The following MACROD2 variants were observed in gnomAD, a reference collection of about 807,000 sequenced individuals.
MACROD2 encodes the protein ADP-ribose glycohydrolase MACROD2.
Under a neutral mutation model 70.4 loss-of-function variants are expected in MACROD2, and 36 were observed. The ratio of observed to expected loss-of-function variants is 0.51; its 90% confidence interval spans 0.39 to 0.68. The LOEUF (loss-of-function observed/expected upper bound fraction) is 0.68, where lower values mean the gene tolerates loss of function less well. MACROD2 is among the 30% of genes least tolerant of loss of function. The pLI, the probability that MACROD2 is intolerant of heterozygous loss-of-function variation, is 0.00. For missense variants in MACROD2, 496 were observed against 538.4 expected, an observed-to-expected ratio of 0.92 and a Z score of 0.78; for synonymous variants, 172 against 178.8, an observed-to-expected ratio of 0.96 and a Z score of 0.30.
intron 3 of MACROD2, among the ~76,000 whole-genome samples, chr20:14,429,017 G>A (rs1049814871): frequency 7.9e-5 from 12 of 151,976 alleles, no homozygotes; most frequent in African/African-American, 2.7e-4. Flanking sequence ...TACAGTGAGG[G>A]GTTACCTTTT....
chr20:14,756,733 A>G (rs913647703), intron 5 of MACROD2, among the ~76,000 whole-genome samples: 20 of 152,144 alleles, frequency 1.3e-4, no homozygotes, highest in Admixed American at 1.3e-3. Context: ...TGACAATGTT[A>G]TACTCTTTTA....
chr20:15,317,833 A>T (rs2077830382), intron 6 of MACROD2, among the ~76,000 whole-genome samples: 1 of 152,012 alleles, frequency 6.6e-6, no homozygotes, highest in Admixed American at 6.6e-5. Flanking sequence ...GGGAGGAAGG[A>T]CAGTCTGCAT....
rs66890047 is a variant in MACROD2, at chr20:14,101,993, CTTTTTTTTTTTT to C, written c.271+16282_271+16293del. On this transcript the variant is annotated intron_variant, in intron 3 of 17. Transcript: ENST00000684519. Reference sequence around the variant, plus strand: ...ATAATTTGGATGTCTTTTAATGAGTCTTTTTTTTTTTTTTTTTTTTTTTTTTTTAAGACGGAG... The same window carrying C: ...ATAATTTGGATGTCTTTTAATGAGTCTTTTTTTTTTTTTTTTAAGACGGAG... Among the ~76,000 whole-genome samples the C allele has an allele frequency of 1.1e-3, 27 of 25,060 alleles. No homozygotes were observed. In the Admixed American group the frequency reaches 0.014, roughly 13 times the overall value. 16.4% of individuals were successfully genotyped at this position (25,060 alleles called of 152,430 possible).
intron 3 of MACROD2, among the ~76,000 whole-genome samples, chr20:14,437,669 T>A (rs777691832): frequency 3.3e-5 from 5 of 152,212 alleles, no homozygotes; most frequent in Non-Finnish European, 7.4e-5. Flanking sequence ...TAATTCTGTC[T>A]TCACTTTATC....
At chr20:15,362,482 TGA>T (rs1210084548) in intron 6 of MACROD2, among the ~76,000 whole-genome samples, 1 of 152,188 alleles carries the variant, frequency 6.6e-6, no homozygotes, top group Non-Finnish European at 1.5e-5. Context: ...TTCAGTTTTT[TGA>T]GTTTTTAAAA....
intron 5 of MACROD2, among the ~76,000 whole-genome samples, chr20:14,702,666 TATATATATACAC>T (rs2071219025): frequency 3.8e-5 from 3 of 79,908 alleles, no homozygotes; most frequent in Admixed American, 1.6e-4. Flanking sequence ...TATATGTGTA[TATATATATACAC>T]ATATATGTGT....
intron 5 of MACROD2, among the ~76,000 whole-genome samples, chr20:14,777,633 G>A (rs1323088184): frequency 6.6e-6 from 1 of 152,072 alleles, no homozygotes; most frequent in Non-Finnish European, 1.5e-5. Flanking sequence ...ATGGGCTAGA[G>A]TGGCGCCAGA....
chr20:14,712,931 G>A (rs542378254), intron 5 of MACROD2, among the ~76,000 whole-genome samples: 1 of 152,060 alleles, frequency 6.6e-6, no homozygotes, highest in Non-Finnish European at 1.5e-5. Context: ...TCAATAGTGG[G>A]TATATATTTT....
chr20:15,251,394 T>C (rs751862451), intron 6 of MACROD2, among the ~76,000 whole-genome samples: 28 of 152,310 alleles, frequency 1.8e-4, no homozygotes, highest in Non-Finnish European at 7.4e-5. Context: ...GAGTGTATTG[T>C]TTTACAACAT....
At chr20:14,191,526 G>A (rs1249372246) in intron 3 of MACROD2, among the ~76,000 whole-genome samples, 1 of 152,106 alleles carries the variant, frequency 6.6e-6, no homozygotes, top group Non-Finnish European at 1.5e-5. Context: ...CTATACCCTC[G>A]TGGAGATAGG....
At chr20:16,041,337 G>A in intron 16 of MACROD2, 59 bp downstream of exon 16, 1 of 1,370,808 alleles carries the variant, frequency 7.3e-7, no homozygotes, top group Non-Finnish European at 1.0e-6. Flanking sequence ...TTTTCTATGT[G>A]TAATCTAGGA....
At chr20:14,129,169 C>T (rs956639633) in intron 3 of MACROD2, among the ~76,000 whole-genome samples, 5 of 152,074 alleles carry the variant, frequency 3.3e-5, no homozygotes, top group Non-Finnish European at 5.9e-5. Flanking sequence ...AAAAAGTAAC[C>T]ATTCTAGATG....
At chr20:14,661,534 C>T (rs1042422833) in intron 4 of MACROD2, among the ~76,000 whole-genome samples, 7 of 152,022 alleles carry the variant, frequency 4.6e-5, no homozygotes, top group Non-Finnish European at 8.8e-5. Context: ...TTCTTTTGCT[C>T]TGCAGAAGCT....
intron 3 of MACROD2, among the ~76,000 whole-genome samples, chr20:14,155,868 G>T (rs1447715872): frequency 1.3e-5 from 2 of 151,816 alleles, no homozygotes; most frequent in African/African-American, 4.8e-5. Flanking sequence ...ATTTACAATG[G>T]CTACATTAAT....
intron 5 of MACROD2, among the ~76,000 whole-genome samples, chr20:14,777,442 GGA>G (rs1212772571): frequency 6.6e-6 from 1 of 151,940 alleles, no homozygotes; most frequent in Non-Finnish European, 1.5e-5. Context: ...GTTAGAGGCT[GGA>G]AAGCTATCAG....
intron 3 of MACROD2, among the ~76,000 whole-genome samples, chr20:14,433,612 A>G (rs979945511): frequency 3.3e-5 from 5 of 152,214 alleles, no homozygotes; most frequent in Admixed American, 2.6e-4. Context: ...TTCATTTGCT[A>G]AGTTTCCTGA....
chr20:15,776,755 A>G (rs16996524), intron 8 of MACROD2, among the ~76,000 whole-genome samples: 4,204 of 152,186 alleles, frequency 0.028, 210 homozygotes, highest in African/African-American at 0.096. Flanking sequence ...CTACATTTCT[A>G]TTTTACAGGA....
chr20:15,904,075 A>C (rs926561773), intron 10 of MACROD2, among the ~76,000 whole-genome samples: 1 of 152,172 alleles, frequency 6.6e-6, no homozygotes, highest in African/African-American at 2.4e-5. Context: ...ACAGTTCTTC[A>C]CTATTCATAC....
intron 10 of MACROD2, among the ~76,000 whole-genome samples, chr20:15,904,373 A>G (rs900049760): frequency 1.3e-5 from 2 of 152,252 alleles, no homozygotes; most frequent in Non-Finnish European, 2.9e-5. Flanking sequence ...AAAATCTCCT[A>G]AATATCAAAA....
Sources: allele counts gnomAD v4.1 joint callset (sites outside exome capture counted in the v4.1 genomes callset), GRCh38; gene constraint gnomAD v4.1.1; transcripts MANE v1.5; gene names NCBI Gene and HGNC (gene_info 2026-07-23, HGNC 2026-07-21).